Variants in SLC15A2 observed in about 807,000 individuals in gnomAD.
SLC15A2 encodes the protein kidney H(+)/peptide cotransporter.
SLC15A2 carries 77 observed loss-of-function variants against 95.5 expected under a neutral mutation model. The ratio of observed to expected loss-of-function variants is 0.81; its 90% confidence interval spans 0.67 to 0.97. The LOEUF is 0.97. SLC15A2 is among the 50% of genes least tolerant of loss of function. SLC15A2 has a pLI of 0.00. For synonymous variants in SLC15A2, 306 were observed against 306.9 expected, an observed-to-expected ratio of 1.00 and a Z score of 0.03; for missense variants, 893 against 874.4, an observed-to-expected ratio of 1.02 and a Z score of -0.27.
At position 121,913,310 on chromosome 3, in the gene SLC15A2, G is replaced by A. The variant is rs1457281290; in HGVS notation, c.528+190G>A. Among the ~76,000 whole-genome samples the A allele has an allele frequency of 2.6e-5, 4 of 152,150 alleles. No homozygotes were observed. In the South Asian group the frequency reaches 6.2e-4, roughly 24 times the overall value. ...AACAGTTTCAAAGGAAAGAGACCAG[G>A]GTGGTAGATGAACTAAAAGGTATGT... is the stretch of plus-strand genomic sequence containing the variant. On this transcript the variant is annotated intron_variant, in intron 5 of 21. Coordinates refer to ENST00000489711, the MANE Select transcript of SLC15A2 (RefSeq NM_021082.4).
At chr3:121,920,415 C>A (rs1265285277) in intron 7 of SLC15A2, among the ~76,000 whole-genome samples, 4 of 152,156 alleles carry the variant, frequency 2.6e-5, no homozygotes, top group Admixed American at 2.6e-4. Flanking sequence ...CCTGCCTTAG[C>A]GCCTAAGTAG....
chr3:121,922,351 T>G (rs778296472), intron 8 of SLC15A2, 49 bp downstream of exon 8: 1 of 1,477,102 alleles, frequency 6.8e-7, no homozygotes, highest in East Asian at 2.3e-5. Context: ...AAGAAAGAGA[T>G]GCTATGCTGA....
intron 6 of SLC15A2, 67 bp from the exon 7 acceptor site, chr3:121,915,549 T>C: frequency 1.6e-6 from 2 of 1,247,614 alleles, no homozygotes; most frequent in Admixed American, 1.7e-5. Context: ...AACCTGAGCT[T>C]GTAGAATAAA....
chr3:121,922,747 C>T, intron 8 of SLC15A2, 28 bp from the exon 9 acceptor site: 3 of 1,552,406 alleles, frequency 1.9e-6, no homozygotes, highest in African/African-American at 1.4e-5. Context: ...CTCTTTGTCT[C>T]TCCCATGATG....
intron 4 of SLC15A2, 144 bp from the exon 5 acceptor site, chr3:121,912,877 G>A: frequency 1.6e-6 from 1 of 612,556 alleles, no homozygotes; most frequent in South Asian, 2.4e-5. Context: ...TAGGAATAAA[G>A]GCAAATGGAA....
In SLC15A2 at chr3:121,910,443, C is replaced by T. The variant is rs570468562; in HGVS notation, c.336-1131C>T. Among the ~76,000 whole-genome samples the T allele has an allele frequency of 3.3e-5, 5 of 152,254 alleles. No homozygotes were observed. In the South Asian group the frequency reaches 1.0e-3, roughly 32 times the overall value. ...ATCTCCTGACCTCGTGATCCACCCA[C>T]CTTGGCCCCCCAAAGTGCTGGGATT... On this transcript the variant is annotated intron_variant, in intron 3 of 21. Coordinates refer to ENST00000489711, the MANE Select transcript of SLC15A2 (RefSeq NM_021082.4).
chr3:121,896,923 G>C (rs533332144), intron 2 of SLC15A2, among the ~76,000 whole-genome samples: 7 of 149,080 alleles, frequency 4.7e-5, no homozygotes, highest in African/African-American at 1.7e-4. Context: ...AAAAAAAGGG[G>C]GGGGAGGGAA....
chr3:121,921,311 G>A (rs1037844962), intron 7 of SLC15A2, among the ~76,000 whole-genome samples: 1 of 152,200 alleles, frequency 6.6e-6, no homozygotes, highest in Admixed American at 6.5e-5. Flanking sequence ...TGTGTTACCA[G>A]TAGTGTCTAG....
chr3:121,921,817 C>T (rs1710010561), intron 7 of SLC15A2, among the ~76,000 whole-genome samples: 1 of 151,958 alleles, frequency 6.6e-6, no homozygotes, highest in African/African-American at 2.4e-5. Context: ...GGCAAATAGG[C>T]AATACGTTAA....
chr3:121,913,440 C>T (rs1709815051), intron 5 of SLC15A2, among the ~76,000 whole-genome samples: 1 of 152,198 alleles, frequency 6.6e-6, no homozygotes, highest in Admixed American at 6.5e-5. Context: ...GTGATTAAAC[C>T]TGAGACCAAT....
intron 19 of SLC15A2, among the ~76,000 whole-genome samples, chr3:121,937,670 A>AT (rs1488393064): frequency 6.6e-6 from 1 of 151,820 alleles, no homozygotes; most frequent in African/African-American, 2.4e-5. Flanking sequence ...ATTCCTCTAA[A>AT]TTTTTTTCAA....
chr3:121,933,862 C>T (rs1375502896), intron 19 of SLC15A2, among the ~76,000 whole-genome samples: 10 of 147,012 alleles, frequency 6.8e-5, no homozygotes, highest in East Asian at 2.0e-4. Context: ...AATGGTAATG[C>T]CTAGGTTTTC....
At chr3:121,896,616 T>G in intron 2 of SLC15A2, 123 bp downstream of exon 2, 6 of 774,540 alleles carry the variant, frequency 7.7e-6, no homozygotes, top group Non-Finnish European at 1.3e-5. Context: ...TTGGTCCAAA[T>G]TGGTCCTTTA....
In SLC15A2 at chr3:121,931,698, T is replaced by C. The variant is rs1710235720; in HGVS notation, c.1724T>C (p.Leu575Pro). The C allele has an allele frequency of 5.0e-6, 8 of 1,613,324 alleles. No homozygotes were observed. The highest frequency in any genetic ancestry group is 6.8e-6 in the Non-Finnish European group (8 of 1,179,282). ...DKNFSLNLGL[L>P]DFGAAYLFVI... Reference sequence around the variant, plus strand: ...AACTTTTCTCTGAATTTGGGTCTTCTAGACTTTGGTGCAGCATATCTGTTT... The same window carrying C: ...AACTTTTCTCTGAATTTGGGTCTTCCAGACTTTGGTGCAGCATATCTGTTT... The change falls in exon 19 of 22, where the codon CTA (leucine) becomes CCA (proline). Residue 575 changes from leucine (L) to proline (P), a missense_variant. By Grantham distance (98) the Leu-to-Pro change is moderately conservative. Coordinates refer to ENST00000489711, the MANE Select transcript of SLC15A2 (RefSeq NM_021082.4).
At chr3:121,934,556 T>C (rs1251291968) in intron 19 of SLC15A2, among the ~76,000 whole-genome samples, 1 of 150,566 alleles carries the variant, frequency 6.6e-6, no homozygotes, top group Non-Finnish European at 1.5e-5. Context: ...ATGATTTGGC[T>C]CTCTGTTTGT....
intron 3 of SLC15A2, among the ~76,000 whole-genome samples, chr3:121,903,844 C>T (rs576525510): frequency 6.6e-5 from 10 of 152,014 alleles, no homozygotes; most frequent in Admixed American, 2.0e-4. Context: ...GCTATTTTTG[C>T]GTCCATATGA....
chr3:121,930,697 A>G (rs1184641215), intron 17 of SLC15A2, 143 bp from the exon 18 acceptor site: 2 of 589,312 alleles, frequency 3.4e-6, no homozygotes, highest in Middle Eastern at 4.7e-4. Flanking sequence ...AACAATATAC[A>G]TTAGGTACCT....
Position 121,905,102 on chromosome 3 carries a change from A to T in SLC15A2, c.336-6472A>T, listed in dbSNP as rs1709605834. Among the ~76,000 whole-genome samples the T allele has an allele frequency of 2.0e-5, 3 of 152,196 alleles. No homozygotes were observed. In the South Asian group the frequency reaches 6.2e-4, roughly 32 times the overall value. On this transcript the variant is annotated intron_variant, in intron 3 of 21. Coordinates refer to ENST00000489711, the MANE Select transcript of SLC15A2 (RefSeq NM_021082.4). ...GGAGGGTGTATGTGTCCAGAAATTT[A>T]TCCATTTCTTCTAGATTTTCTAGTT...
rs755729629 is a variant in SLC15A2 at position 121,894,461 on chromosome 3, G to A, written c.-16G>A. The A allele has an allele frequency of 4.4e-6, 7 of 1,604,016 alleles. No individual in the cohort carries two copies. The South Asian group carries it at 6.6e-5, about 15-fold the overall frequency. On this transcript the variant is annotated 5_prime_UTR_variant, in exon 1 of 22. Coordinates refer to ENST00000489711, the MANE Select transcript of SLC15A2 (RefSeq NM_021082.4). ...AGCCAAATGCTTGAGGAGAGAGAGAGAGTAAGGAGCCAGCCATGAATCCTT... is the reference window on the plus strand; with the variant it reads ...AGCCAAATGCTTGAGGAGAGAGAGAAAGTAAGGAGCCAGCCATGAATCCTT...
Sources: allele counts gnomAD v4.1 joint callset (sites outside exome capture counted in the v4.1 genomes callset), GRCh38; gene constraint gnomAD v4.1.1; transcripts MANE v1.5; gene names NCBI Gene and HGNC (gene_info 2026-07-23, HGNC 2026-07-21).